Variants in INPP1 observed in about 807,000 individuals in gnomAD.
INPP1 encodes inositol polyphosphate-1-phosphatase, also known as inositol polyphosphate 1-phosphatase.
Under a neutral mutation model 23.0 loss-of-function variants are expected in INPP1, and 18 were observed. The ratio of observed to expected loss-of-function variants is 0.78; its 90% CI spans 0.54 to 1.16. The LOEUF (loss-of-function observed/expected upper bound fraction) is 1.16, where lower values mean the gene tolerates loss of function less well. Among genes scored for constraint, INPP1 ranks in the 50% most tolerant of loss-of-function variants. INPP1 has a pLI of 0.00. For synonymous variants in INPP1, 164 were observed against 176.3 expected, an observed-to-expected ratio of 0.93 and a Z score of 0.55; for missense variants, 448 against 482.1, an observed-to-expected ratio of 0.93 and a Z score of 0.66.
chr2:190,354,003 CT>C lies in INPP1; in HGVS notation c.-65+4973del, dbSNP rs1319295598. On this transcript the variant is annotated intron_variant, in intron 2 of 6. Transcript: ENST00000392329. This position sits in a 1 kb window ranked among gnomAD's most constrained non-coding sequence, Gnocchi z 4.8. ...AAAGCAAAAGAGACCCTAATTCTATCTGACATTGTGACACAATTTTATGTTA... is the reference window on the plus strand; with the variant it reads ...AAAGCAAAAGAGACCCTAATTCTATCGACATTGTGACACAATTTTATGTTA... 2.0e-5 allele frequency among the ~76,000 whole-genome samples: 3 copies of C among 152,168 alleles called. No individual in the cohort carries two copies. The highest frequency in any genetic ancestry group is 2.9e-5 in the Non-Finnish European group (2 of 68,024).
rs563151523 is a variant in INPP1, at chr2:190,355,615, T to A, written c.-64-4424T>A. ...TGGGTAATTCTGATACAGGTAACTC[T>A]CAGAACATCCATTGAGAAATACTAA... On this transcript the variant is annotated intron_variant, in intron 2 of 6. Coordinates refer to ENST00000392329, the MANE Select transcript of INPP1 (RefSeq NM_001128928.2). The surrounding 1 kb of genome is among the most constrained non-coding windows in gnomAD (Gnocchi z 5.1). Among the ~76,000 whole-genome samples the A allele has an allele frequency of 4.5e-4, 68 of 152,276 alleles. No individual in the cohort carries two copies. Among genetic ancestry groups the A allele is most frequent in the African/African-American group, 1.6e-3 (66 of 41,550 alleles).
At chr2:190,362,803 T>C (rs1045749861) in intron 4 of INPP1, 116 bp downstream of exon 4, 4 of 572,068 alleles carry the variant, frequency 7.0e-6, no homozygotes, top group Admixed American at 3.5e-5. Context: ...CAACATAATA[T>C]ATTTGAATGT....
chr2:190,347,754 A>C (rs968552669), intron 1 of INPP1, among the ~76,000 whole-genome samples: 1 of 152,242 alleles, frequency 6.6e-6, no homozygotes, highest in East Asian at 1.9e-4. Flanking sequence ...GTTAAATTCA[A>C]GTGACCAAAG....
At chr2:190,364,354 A>G (rs1256509923) in intron 4 of INPP1, among the ~76,000 whole-genome samples, 1 of 151,912 alleles carries the variant, frequency 6.6e-6, no homozygotes, top group East Asian at 2.0e-4. Flanking sequence ...CCTGGCTAAC[A>G]CGGTGAAACC....
Position 190,367,078 on chromosome 2 carries a change from C to T in INPP1, c.466+183C>T, listed in dbSNP as rs1416250227. 6.6e-6 allele frequency among the ~76,000 whole-genome samples: 1 copy of T among 151,992 alleles called. No individual in the cohort carries two copies. Among genetic ancestry groups the T allele is most frequent in the Non-Finnish European group, 1.5e-5 (1 of 68,020 alleles). ...ATGTGTCATGTGTTCTGTATATATA[C>T]ATATATATTATAGCCGTGTGTATAT... On this transcript the variant is annotated intron_variant, in intron 5 of 6. Coordinates refer to ENST00000392329, the MANE Select transcript of INPP1 (RefSeq NM_001128928.2). The surrounding 1 kb of genome is among the most constrained non-coding windows in gnomAD (Gnocchi z 4.1).
chr2:190,348,108 A>T (rs1689257136), intron 1 of INPP1, among the ~76,000 whole-genome samples: 1 of 152,252 alleles, frequency 6.6e-6, no homozygotes, highest in Non-Finnish European at 1.5e-5. Context: ...ACTGCACTGC[A>T]GCCTGGGCAA....
intron 3 of INPP1, among the ~76,000 whole-genome samples, chr2:190,361,029 T>C (rs1028534681): frequency 1.3e-5 from 2 of 152,244 alleles, no homozygotes; most frequent in South Asian, 2.1e-4. Flanking sequence ...GCAGCACTTA[T>C]AAATGCTATG....
At position 190,366,695 on chromosome 2, in the gene INPP1, G is replaced by A; in HGVS notation, c.266G>A (p.Gly89Glu). The change falls in exon 5 of 7, where the codon GGG becomes GAG. Residue 89 changes from glycine (G) to glutamate (E), a missense_variant and splice_region_variant. By Grantham distance (98) the Gly-to-Glu change is moderately conservative. Transcript: ENST00000392329. ...GGCTTATCGTGTGGCTTTACCCTAG[G>A]GGAAAAGATTACCTTGAGGTTGTGT... ...EESNEFTNDW[G>E]EKITLRLCST... 3.7e-6 allele frequency: 6 copies of A among 1,608,762 alleles called. No individual in the cohort carries two copies. The highest frequency in any genetic ancestry group is 1.1e-5 in the South Asian group (1 of 90,968).
intron 4 of INPP1, among the ~76,000 whole-genome samples, chr2:190,364,106 TAACA>T (rs1689588848): frequency 1.3e-5 from 2 of 152,224 alleles, no homozygotes; most frequent in African/African-American, 4.8e-5. Flanking sequence ...TCCCCAACTT[TAACA>T]GTCTAATTTA....
chr2:190,352,206 G>A lies in INPP1; in HGVS notation c.-65+3175G>A, dbSNP rs1017520369. On this transcript the variant is annotated intron_variant, in intron 2 of 6. Transcript: ENST00000392329. The surrounding 1 kb of genome is among the most constrained non-coding windows in gnomAD (Gnocchi z 4.7). ...AAGAAGGGCGTGTCAACCAGAGGGA[G>A]CAGCATGTGCAAATTTACAATCTTC... Among the ~76,000 whole-genome samples the A allele has an allele frequency of 6.6e-6, 1 of 152,198 alleles. No individual in the cohort carries two copies. Among genetic ancestry groups the A allele is most frequent in the African/African-American group, 2.4e-5 (1 of 41,440 alleles).
rs148068259 is a variant in INPP1, at chr2:190,346,398, G to A, written c.-209+2437G>A. 7.2e-5 allele frequency among the ~76,000 whole-genome samples: 11 copies of A among 152,260 alleles called. No individual in the cohort carries two copies. The highest frequency in any genetic ancestry group is 2.6e-4 in the African/African-American group (11 of 41,566). ...TAATATGATGAGGCCACTCATTTAG[G>A]AAATCTGAAACTTTTATATTTTTTT... On this transcript the variant is annotated intron_variant, in intron 1 of 6. Coordinates refer to ENST00000392329, the MANE Select transcript of INPP1 (RefSeq NM_001128928.2). The surrounding 1 kb of genome is among the most constrained non-coding windows in gnomAD (Gnocchi z 5.1).
chr2:190,366,918 G>C, intron 5 of INPP1, 23 bp downstream of exon 5: 1 of 1,503,664 alleles, frequency 6.7e-7, no homozygotes, highest in Non-Finnish European at 9.3e-7. Context: ...AAGTATGTTT[G>C]TTCTTATTTG....
In INPP1 at chr2:190,360,225, G is replaced by A; in HGVS notation, c.123G>A (p.Lys41=). ...LLIEEKKEGE[K]NKKFAVDFKT... ...TCGAAGAAAAGAAAGAGGGAGAAAA[G>A]AACAAGAAGTTTGCAGTTGACTTCA... The change falls in exon 3 of 7, where the codon AAG becomes AAA. Residue 41 remains lysine (K), a synonymous_variant. Transcript: ENST00000392329. The A allele has an allele frequency of 6.2e-7, 1 of 1,614,202 alleles. No homozygotes were observed. Among genetic ancestry groups the A allele is most frequent in the South Asian group, 1.1e-5 (1 of 91,080 alleles).
intron 4 of INPP1, among the ~76,000 whole-genome samples, chr2:190,366,464 T>C (rs1447532136): frequency 6.6e-6 from 1 of 151,694 alleles, no homozygotes; most frequent in Non-Finnish European, 1.5e-5. Flanking sequence ...TCTTGCTCTC[T>C]CTGTCTCTCG....
At chr2:190,366,501 CTGTG>C (rs1376717173) in intron 4 of INPP1, among the ~76,000 whole-genome samples, 190 bp from the exon 5 acceptor site, 1 of 151,690 alleles carries the variant, frequency 6.6e-6, no homozygotes, top group Admixed American at 6.6e-5. Flanking sequence ...CTCGCTCTCT[CTGTG>C]TGTCTCTCTC....
At chr2:190,350,786 C>A (rs1689310476) in intron 2 of INPP1, among the ~76,000 whole-genome samples, 1 of 152,162 alleles carries the variant, frequency 6.6e-6, no homozygotes, top group South Asian at 2.1e-4. Context: ...TCTTTTCTCA[C>A]AAAACCAAAT....
rs1339647272 is a variant in INPP1 at position 190,371,576 on chromosome 2, T to C, written c.*174T>C. On this transcript the variant is annotated 3_prime_UTR_variant, in exon 7 of 7. Coordinates refer to ENST00000392329, the MANE Select transcript of INPP1 (RefSeq NM_001128928.2). This position sits in a 1 kb window ranked among gnomAD's most constrained non-coding sequence, Gnocchi z 5.3. ...TGTTAATTTCAATAAATGACATTCA[T>C]GCAGCAATTATATTGGTGTATGAAA... The C allele has an allele frequency of 2.1e-6, 1 of 480,378 alleles. No homozygotes were observed. Among genetic ancestry groups the C allele is most frequent in the Non-Finnish European group, 3.6e-6 (1 of 277,764 alleles). The allele number at this position is 480,378 out of a possible 1,614,324, so 29.8% of individuals were successfully genotyped here.
At chr2:190,364,816 G>T (rs1383625904) in intron 4 of INPP1, among the ~76,000 whole-genome samples, 3 of 151,502 alleles carry the variant, frequency 2.0e-5, no homozygotes, top group Admixed American at 2.0e-4. Flanking sequence ...GTTGACCAGG[G>T]TGGTCTTGAA....
intron 2 of INPP1, among the ~76,000 whole-genome samples, chr2:190,358,379 G>A (rs971118232): frequency 2.6e-5 from 4 of 151,616 alleles, no homozygotes; most frequent in Non-Finnish European, 5.9e-5. Flanking sequence ...GCCCAGTCCC[G>A]GCTAATTTTT....
Sources: allele counts gnomAD v4.1 joint callset (sites outside exome capture counted in the v4.1 genomes callset), GRCh38; gene constraint gnomAD v4.1.1; non-coding constraint Gnocchi (gnomAD v3.1); transcripts MANE v1.5; gene names NCBI Gene and HGNC (gene_info 2026-07-23, HGNC 2026-07-21).